Variants in RFC1 observed in about 807,000 individuals in gnomAD.
The protein encoded by RFC1 is replication factor C subunit 1.
In RFC1, 37 loss-of-function variants were observed where a neutral mutation model predicts 137.4. That is an observed-to-expected ratio of 0.27 (90% CI 0.21 to 0.35). RFC1 has a LOEUF of 0.35. RFC1 is among the 10% of genes least tolerant of loss of function. The pLI is 1.00. For synonymous variants in RFC1, 429 were observed against 455.7 expected (o/e 0.94, Z 0.75); for missense variants, 1,205 against 1,358.5 (o/e 0.89, Z 1.78).
At chr4:39,305,341 C>T (rs1359317590) in intron 14 of RFC1, among the ~76,000 whole-genome samples, 1 of 152,092 alleles carries the variant, frequency 6.6e-6, no homozygotes, top group Non-Finnish European at 1.5e-5. Context: ...TGCGTTGACT[C>T]ACACCTGTAA....
At chr4:39,299,757 A>T (rs1365981356) in intron 21 of RFC1, among the ~76,000 whole-genome samples, 1 of 151,178 alleles carries the variant, frequency 6.6e-6, no homozygotes, top group Admixed American at 6.6e-5. Flanking sequence ...ATTTAAAATA[A>T]CTACAGGATT....
intron 2 of RFC1, among the ~76,000 whole-genome samples, chr4:39,348,028 A>G (rs1220219815): frequency 6.6e-6 from 1 of 152,184 alleles, no homozygotes; most frequent in Non-Finnish European, 1.5e-5. Context: ...TTGTAGTCAA[A>G]TGCAAAACGG....
At chr4:39,346,102 G>A (rs1324115980) in intron 2 of RFC1, among the ~76,000 whole-genome samples, 1 of 152,226 alleles carries the variant, frequency 6.6e-6, no homozygotes, top group Non-Finnish European at 1.5e-5. Flanking sequence ...TACAAGGCAA[G>A]TGCTTCCTGA....
intron 3 of RFC1, 52 bp from the exon 4 acceptor site, chr4:39,342,519 T>G: frequency 3.9e-6 from 6 of 1,551,336 alleles, no homozygotes; most frequent in South Asian, 1.1e-5. Flanking sequence ...TATTATAATA[T>G]AGTGCATGTT....
At chr4:39,294,672 T>TAAAAA (rs1193684558) in intron 22 of RFC1, among the ~76,000 whole-genome samples, 2 of 80,392 alleles carry the variant, frequency 2.5e-5, no homozygotes, top group Admixed American at 1.3e-4. Flanking sequence ...TCTGTCTCAA[T>TAAAAA]AAAAAAAAAA....
chr4:39,341,437 A>G, intron 4 of RFC1: 1 of 361,002 alleles, frequency 2.8e-6, no homozygotes, highest in Non-Finnish European at 5.5e-6. Flanking sequence ...CATAACAAAG[A>G]AACGTCTGTT....
intron 14 of RFC1, 132 bp from the exon 15 acceptor site, chr4:39,305,060 G>A (rs964729312): frequency 5.7e-5 from 38 of 668,772 alleles, no homozygotes; most frequent in Non-Finnish European, 8.9e-5. Flanking sequence ...TATAAAGTAT[G>A]ATACTAACAG....
rs1738679499 is a variant in RFC1 at position 39,306,666 on chromosome 4, A to G, written c.1921T>C (p.Ser641Pro). The change falls in exon 14 of 25, where the codon TCT becomes CCT. Residue 641 changes from serine to proline, a missense_variant. This residue lies in a region of RFC1 where 962 missense variants were observed against 1,035.3 expected (regional missense o/e 0.93). Transcript: ENST00000349703. ...FGKFSGKDDG[S>P]SFKAALLSGP... ...GACAGCAACGCTGCTTTAAAACTAG[A>G]GCCATCATCTTTGCCGGAAAATTTA... 1.2e-6 allele frequency: 2 copies of G among 1,613,818 alleles called. No individual in the cohort carries two copies. Among genetic ancestry groups the G allele is most frequent in the Non-Finnish European group, 1.7e-6 (2 of 1,179,836 alleles).
intron 14 of RFC1, among the ~76,000 whole-genome samples, chr4:39,306,057 T>C (rs1478080003): frequency 1.3e-5 from 2 of 152,230 alleles, no homozygotes. Context: ...CTCTAGTGCC[T>C]AAGCAAGTCA....
intron 1 of RFC1, among the ~76,000 whole-genome samples, chr4:39,363,093 C>A (rs181409252): frequency 6.6e-6 from 1 of 152,178 alleles, no homozygotes; most frequent in Non-Finnish European, 1.5e-5. Flanking sequence ...TTCCTTAAGT[C>A]TCATGTGTGT....
intron 1 of RFC1, among the ~76,000 whole-genome samples, chr4:39,364,266 GA>G (rs34831204): frequency 0.51 from 74,032 of 144,580 alleles, 18,828 homozygotes; most frequent in Non-Finnish European, 0.54. Context: ...CAGTCTGAGG[GA>G]AAAAAAAAAA....
chr4:39,361,469 G>A (rs1741754764), intron 1 of RFC1, among the ~76,000 whole-genome samples: 1 of 152,136 alleles, frequency 6.6e-6, no homozygotes, highest in Admixed American at 6.5e-5. Context: ...AGCAGTTGGA[G>A]GGCTTTCCCT....
intron 1 of RFC1, chr4:39,356,140 C>T (rs1291652171): frequency 1.3e-5 from 2 of 152,248 alleles, no homozygotes; most frequent in Non-Finnish European, 1.5e-5. Context: ...ATGGCTCACA[C>T]CTGTAATCCC....
chr4:39,365,644 T>G (rs1247499197), intron 1 of RFC1, among the ~76,000 whole-genome samples: 1 of 152,214 alleles, frequency 6.6e-6, no homozygotes, highest in Non-Finnish European at 1.5e-5. Flanking sequence ...TTTTTCCTAG[T>G]AAGCCATGTT....
At chr4:39,317,158 A>AC (rs1739279606) in intron 9 of RFC1, 136 bp from the exon 10 acceptor site, 2 of 589,104 alleles carry the variant, frequency 3.4e-6, no homozygotes, top group South Asian at 3.9e-5. Context: ...TTTTAGCTAC[A>AC]CAAGTACTTC....
intron 1 of RFC1, among the ~76,000 whole-genome samples, chr4:39,364,208 G>A (rs957576943): frequency 1.3e-5 from 2 of 149,866 alleles, no homozygotes; most frequent in African/African-American, 2.5e-5. Context: ...AAAGGAAACT[G>A]TAACTGAAAC....
At chr4:39,308,471 A>G (rs564194355) in intron 13 of RFC1, among the ~76,000 whole-genome samples, 165 bp downstream of exon 13, 148 of 152,274 alleles carry the variant, frequency 9.7e-4, no homozygotes, top group Middle Eastern at 3.4e-3. Context: ...TGTTTTGTTC[A>G]CAACACCACC....
intron 1 of RFC1, among the ~76,000 whole-genome samples, chr4:39,359,424 G>C (rs73238573): frequency 5.2e-4 from 79 of 152,244 alleles, no homozygotes; most frequent in Non-Finnish European, 9.3e-4. Flanking sequence ...AACCCAGATG[G>C]GACTGGAAAC....
intron 14 of RFC1, among the ~76,000 whole-genome samples, chr4:39,305,916 T>G (rs1325823213): frequency 6.6e-6 from 1 of 152,208 alleles, no homozygotes; most frequent in Non-Finnish European, 1.5e-5. Flanking sequence ...TTATTTAAAT[T>G]TTATGCAGAT....
Sources: allele counts gnomAD v4.1 joint callset (sites outside exome capture counted in the v4.1 genomes callset), GRCh38; gene constraint gnomAD v4.1.1; regional missense constraint gnomAD v4.1.1; transcripts MANE v1.5; gene names NCBI Gene and HGNC (gene_info 2026-07-23, HGNC 2026-07-21).